The following SBF1 variants were observed in gnomAD, a reference collection of about 807,000 sequenced individuals.
SBF1 encodes the protein myotubularin-related protein 5.
In SBF1, 65 loss-of-function variants were observed where a neutral mutation model predicts 215.8. The observed-to-expected ratio is 0.30, with a 90% confidence interval of 0.25 to 0.37. The LOEUF is 0.37. Among genes scored for constraint, SBF1 ranks in the 10% least tolerant of loss-of-function variants. SBF1 has a pLI of 1.00. For synonymous variants in SBF1, 1,410 were observed against 1,122.8 expected (o/e 1.26, Z -5.11); for missense variants, 2,634 against 2,667.8 (o/e 0.99, Z 0.28).
Position 50,464,932 on chromosome 22 carries a change from A to AGGAGGTTAGGTAAGCC in SBF1, c.1333-31_1333-16dup. ...TGGGCCACCAGCTAGCGGGGTAAGCAGGAGGTTAGGTAAGCCATGGTCAGG... is the reference window on the plus strand; with the variant it reads ...TGGGCCACCAGCTAGCGGGGTAAGCAGGAGGTTAGGTAAGCCGGAGGTTAGGTAAGCCATGGTCAGG... On this transcript the variant is annotated splice_polypyrimidine_tract_variant and intron_variant, in intron 12 of 40. Transcript: ENST00000380817. 1 of 1,613,052 alleles carries AGGAGGTTAGGTAAGCC rather than the reference A, an allele frequency of 6.2e-7. No individual in the cohort carries two copies. Among genetic ancestry groups the AGGAGGTTAGGTAAGCC allele is most frequent in the South Asian group, 1.1e-5 (1 of 91,072 alleles).
chr22:50,454,696 A>G lies in SBF1; in HGVS notation c.4859T>C (p.Phe1620Ser). 1 of 1,570,076 alleles carries G rather than the reference A, an allele frequency of 6.4e-7. No individual in the cohort carries two copies. Among genetic ancestry groups the G allele is most frequent in the Non-Finnish European group, 8.6e-7 (1 of 1,159,528 alleles). ...CTCGGCCAGCGTCTCCTCAGTGTAG[A>G]AGTCCCACACCTTCAGGTTGGACAC... Reference protein sequence around the residue: ...SNVSNLKVWDFYTEETLAEGP... With the variant: ...SNVSNLKVWDSYTEETLAEGP... The change falls in exon 36 of 41, where the codon TTC (phenylalanine) becomes TCC (serine). Residue 1620 changes from phenylalanine (F) to serine (S), a missense_variant. Physicochemically the swap from Phe to Ser is radical, Grantham distance 155. Coordinates refer to ENST00000380817, the MANE Select transcript of SBF1 (RefSeq NM_002972.4).
chr22:50,459,481 G>A lies in SBF1; in HGVS notation c.3677C>T (p.Ala1226Val), dbSNP rs372402880. The part of the protein sequence containing the change: ...GVVGLFKAQN[A>V]PSPGQSQADS... ...GACGCAGGAGGTACCTGGAGAAGGT[G>A]CGTTCTGGGCCTTGAAGAGGCCGAC... Residue 1226 changes from alanine (A) to valine (V), a missense_variant, in exon 27 of 41, where the codon GCA becomes GTA. Transcript: ENST00000380817. The A allele has an allele frequency of 3.9e-5, 63 of 1,610,340 alleles. No homozygotes were observed. The highest frequency in any genetic ancestry group is 4.9e-5 in the Non-Finnish European group (58 of 1,179,790).
At chr22:50,465,543 G>A (rs755765923) in intron 10 of SBF1, among the ~76,000 whole-genome samples, 3 of 152,198 alleles carry the variant, frequency 2.0e-5, no homozygotes, top group Non-Finnish European at 2.9e-5. Context: ...GTGATCAGAC[G>A]CCAAGTTCCA....
intron 19 of SBF1, 23 bp downstream of exon 19, chr22:50,462,182 C>T (rs1163457498): frequency 1.2e-5 from 20 of 1,606,750 alleles, no homozygotes; most frequent in Non-Finnish European, 1.7e-5. Flanking sequence ...TCCACTGGGC[C>T]CAACCCCCAG....
chr22:50,458,405 C>T (rs1442901780), intron 28 of SBF1, among the ~76,000 whole-genome samples: 3 of 151,228 alleles, frequency 2.0e-5, no homozygotes, highest in South Asian at 2.1e-4. Flanking sequence ...GAGGGGGACA[C>T]GGGGAGGCAG....
Position 50,462,043 on chromosome 22 carries a change from C to T in SBF1, c.2473G>A (p.Ala825Thr). The T allele has an allele frequency of 6.2e-7, 1 of 1,614,214 alleles. No individual in the cohort carries two copies. Among genetic ancestry groups the T allele is most frequent in the African/African-American group, 1.3e-5 (1 of 75,066 alleles). Reference protein sequence around the residue: ...EDAETCDVAGAVVRFINRFVD... With the variant: ...EDAETCDVAGTVVRFINRFVD... ...AAGCGGTTGATGAAGCGGACCACAG[C>T]CCCAGCTACGTCGCAGGTCTCTGCA... The change falls in exon 20 of 41, where the codon GCT becomes ACT. Residue 825 changes from alanine to threonine, a missense_variant. By Grantham distance (58) the Ala-to-Thr change is moderately conservative. Transcript: ENST00000380817.
Position 50,466,054 on chromosome 22 carries a change from A to G in SBF1, c.918T>C (p.Asp306=), listed in dbSNP as rs1388407734. 6.2e-7 allele frequency: 1 copy of G among 1,613,868 alleles called. No individual in the cohort carries two copies. Among genetic ancestry groups the G allele is most frequent in the Non-Finnish European group, 8.5e-7 (1 of 1,180,030 alleles). ...TQELLDVIVA[D]LDGGTVTIPE... ...GAATGGTGACCGTCCCTCCATCCAGATCAGCAACAATCACATCGAGCTGCG... is the reference window on the plus strand; with the variant it reads ...GAATGGTGACCGTCCCTCCATCCAGGTCAGCAACAATCACATCGAGCTGCG... Residue 306 remains aspartate, a synonymous_variant, in exon 9 of 41, where the codon GAT becomes GAC. Coordinates refer to ENST00000380817, the MANE Select transcript of SBF1 (RefSeq NM_002972.4).
Position 50,467,597 on chromosome 22 carries a change from C to T in SBF1, c.373G>A (p.Ala125Thr). The T allele has an allele frequency of 6.2e-7, 1 of 1,614,094 alleles. No individual in the cohort carries two copies. Among genetic ancestry groups the T allele is most frequent in the Non-Finnish European group, 8.5e-7 (1 of 1,180,000 alleles). ...AGCGTCTTCGGTGCAAACAGCTGGG[C>T]AGATGGGGCAGGTGCTGTGGGAGAC... ...HLSPTAPAPS[A>T]QLFAPKTLVL... The change falls in exon 4 of 41, where the codon GCC becomes ACC. Residue 125 changes from alanine to threonine, a missense_variant. By Grantham distance (58) the Ala-to-Thr change is moderately conservative. Transcript: ENST00000380817.
At position 50,463,436 on chromosome 22, in the gene SBF1, G is replaced by C. The variant is rs1235206008; in HGVS notation, c.1750-4C>G. 6.4e-7 allele frequency: 1 copy of C among 1,564,884 alleles called. No homozygotes were observed. Among genetic ancestry groups the C allele is most frequent in the Non-Finnish European group, 8.7e-7 (1 of 1,152,830 alleles). ...CCCTCAACACGGCTGGGAGCAGCTG[G>C]GGGTGGGGAAAGGAGACACGGGCTG... On this transcript the variant is annotated splice_polypyrimidine_tract_variant and splice_region_variant and intron_variant, in intron 15 of 40. Coordinates refer to ENST00000380817, the MANE Select transcript of SBF1 (RefSeq NM_002972.4).
At chr22:50,463,245 G>A (rs778452801) in intron 16 of SBF1, 38 bp downstream of exon 16, 31 of 1,609,664 alleles carry the variant, frequency 1.9e-5, no homozygotes, top group South Asian at 9.9e-5. Flanking sequence ...CCGCTCATGC[G>A]CCATGAGCCA....
Position 50,464,562 on chromosome 22 carries a change from C to G in SBF1, c.1608G>C (p.Arg536Ser), listed in dbSNP as rs1434895831. The change falls in exon 14 of 41, where the codon AGG becomes AGC. Residue 536 changes from arginine to serine, a missense_variant. Coordinates refer to ENST00000380817, the MANE Select transcript of SBF1 (RefSeq NM_002972.4). ...GAPPAVKAER[R>S]TTVPSGPPMT... ...TGGGGGGCCCTGAGGGCACGGTGGT[C>G]CTCCTCTCGGCCTTCACAGCTGGGG... 1 of 1,611,730 alleles carries G rather than the reference C, an allele frequency of 6.2e-7. No individual in the cohort carries two copies. The highest frequency in any genetic ancestry group is 8.5e-7 in the Non-Finnish European group (1 of 1,179,344).
Position 50,459,934 on chromosome 22 carries a change from G to GC in SBF1, c.3491+17dup. On this transcript the variant is annotated intron_variant, in intron 26 of 40. Coordinates refer to ENST00000380817, the MANE Select transcript of SBF1 (RefSeq NM_002972.4). ...AGTCACGTGTCCACCACCCGGGCCA[G>GC]CCCTGGCCGGCCCTCACCTGCGGCA... The GC allele has an allele frequency of 6.2e-7, 1 of 1,612,904 alleles. No individual in the cohort carries two copies. The highest frequency in any genetic ancestry group is 8.5e-7 in the Non-Finnish European group (1 of 1,179,508).
In SBF1 at chr22:50,466,531, C is replaced by G. The variant is rs1441523367; in HGVS notation, c.656-49G>C. 2.0e-6 allele frequency: 3 copies of G among 1,529,620 alleles called. No individual in the cohort carries two copies. In the African/African-American group the frequency reaches 4.1e-5, roughly 21 times the overall value. 94.8% of individuals were successfully genotyped at this position (1,529,620 alleles called of 1,614,324 possible). On this transcript the variant is annotated intron_variant, in intron 6 of 40. Coordinates refer to ENST00000380817, the MANE Select transcript of SBF1 (RefSeq NM_002972.4). The stretch of plus-strand genomic sequence containing the variant: ...AGAGGACCCTGGGCCCCCACCCAGG[C>G]AGAGTGAGAACCCACATCCCTAACT...
At chr22:50,471,506 G>T (rs948873546) in intron 1 of SBF1, among the ~76,000 whole-genome samples, 1 of 152,214 alleles carries the variant, frequency 6.6e-6, no homozygotes, top group South Asian at 2.1e-4. Flanking sequence ...CACAGTGCAC[G>T]AAGACCAGCC....
intron 15 of SBF1, 74 bp downstream of exon 15, chr22:50,464,255 C>T (rs1361296283): frequency 2.4e-6 from 3 of 1,273,590 alleles, no homozygotes; most frequent in South Asian, 1.3e-5. Flanking sequence ...TCAGCACTCA[C>T]AAGGGTGAAG....
intron 9 of SBF1, 26 bp from the exon 10 acceptor site, chr22:50,465,866 G>A (rs770130094): frequency 1.5e-5 from 24 of 1,612,610 alleles, no homozygotes; most frequent in Middle Eastern, 1.7e-4. Context: ...GGAGCAGGCA[G>A]CTGCACGCTG....
intron 36 of SBF1, among the ~76,000 whole-genome samples, chr22:50,449,580 C>A (rs1010745460): frequency 4.0e-5 from 6 of 151,620 alleles, no homozygotes; most frequent in African/African-American, 1.5e-4. Flanking sequence ...ACACCACTGC[C>A]CTCCAGCCTG....
intron 1 of SBF1, among the ~76,000 whole-genome samples, chr22:50,469,101 G>A (rs963909793): frequency 6.6e-6 from 1 of 152,162 alleles, no homozygotes; most frequent in African/African-American, 2.4e-5. Flanking sequence ...GACCTAGAGG[G>A]GCAGCAGCTA....
intron 36 of SBF1, among the ~76,000 whole-genome samples, chr22:50,452,993 GA>G (rs140196842): frequency 6.6e-6 from 1 of 150,746 alleles, no homozygotes; most frequent in Non-Finnish European, 1.5e-5. Context: ...AGAAAGAAAG[GA>G]AAAAAAATCA....
Sources: allele counts gnomAD v4.1 joint callset (sites outside exome capture counted in the v4.1 genomes callset), GRCh38; gene constraint gnomAD v4.1.1; transcripts MANE v1.5; gene names NCBI Gene and HGNC (gene_info 2026-07-23, HGNC 2026-07-21).